The following NT5C2 variants were observed in gnomAD, a reference collection of about 807,000 sequenced individuals.
NT5C2 encodes 5'-nucleotidase, cytosolic II.
NT5C2 carries 58 observed loss-of-function variants against 76.1 expected under a neutral mutation model. That is an observed-to-expected ratio of 0.76 (90% CI 0.62 to 0.95). The LOEUF (loss-of-function observed/expected upper bound fraction) is 0.95. Ranked by LOEUF, NT5C2 falls within the 40% of genes least tolerant of loss-of-function variation. The pLI, the probability that NT5C2 is intolerant of heterozygous loss-of-function variation, is 0.00. For synonymous variants in NT5C2, 229 were observed against 237.4 expected (o/e 0.96, Z 0.32); for missense variants, 478 against 690.3 (o/e 0.69, Z 3.45).
At chr10:103,136,210 T>A (rs951622253) in intron 4 of NT5C2, among the ~76,000 whole-genome samples, 1 of 152,260 alleles carries the variant, frequency 6.6e-6, no homozygotes, top group African/African-American at 2.4e-5. Flanking sequence ...ACTGTCATTA[T>A]CCAAAATGAT....
rs532663348 is a variant in NT5C2 at position 103,182,800 on chromosome 10, T to A, written c.-168-1472A>T. Among the ~76,000 whole-genome samples, 11 of 152,292 alleles carry A rather than the reference T, an allele frequency of 7.2e-5. No homozygotes were observed. In the East Asian group the frequency reaches 2.1e-3, roughly 29 times the overall value. On this transcript the variant is annotated intron_variant, in intron 1 of 18. Coordinates refer to ENST00000404739, the MANE Select transcript of NT5C2 (RefSeq NM_001351169.2). The stretch of plus-strand genomic sequence containing the variant: ...TTTTGGTCTCTAAATACAACAACTT[T>A]CACTGCATATTACTCATGTTAAACT...
At chr10:103,092,787 CAG>C (rs568345632) in intron 15 of NT5C2, among the ~76,000 whole-genome samples, 247 of 152,236 alleles carry the variant, frequency 1.6e-3, no homozygotes, top group African/African-American at 5.8e-3. Flanking sequence ...GGGCTGTTAG[CAG>C]AGAGACTGGG....
intron 6 of NT5C2, among the ~76,000 whole-genome samples, chr10:103,101,844 T>C (rs868744048): frequency 6.6e-6 from 1 of 152,074 alleles, no homozygotes; most frequent in South Asian, 2.1e-4. Flanking sequence ...CTAGGAAGGA[T>C]TCATGCACGT....
intron 4 of NT5C2, among the ~76,000 whole-genome samples, chr10:103,134,862 G>A (rs2078888905): frequency 6.6e-6 from 1 of 152,250 alleles, no homozygotes; most frequent in South Asian, 2.1e-4. Context: ...ACCTGGATGT[G>A]AGACACAGGG....
intron 3 of NT5C2, among the ~76,000 whole-genome samples, chr10:103,171,751 G>T (rs2088068962): frequency 6.6e-6 from 1 of 152,130 alleles, no homozygotes; most frequent in African/African-American, 2.4e-5. Flanking sequence ...TATAAAAAGA[G>T]TTAAGTAAAA....
At position 103,105,698 on chromosome 10, in the gene NT5C2, G is replaced by C. The variant is rs1375179491; in HGVS notation, c.389+8C>G. The C allele has an allele frequency of 6.3e-7, 1 of 1,581,638 alleles. No homozygotes were observed. On this transcript the variant is annotated splice_region_variant and intron_variant, in intron 6 of 18. Transcript: ENST00000404739. ...ATTAGAAAGAGGCTAAAGGTTCTCT[G>C]TACTCACCCCCTTATAAAGTTAAAT...
At chr10:103,146,442 CA>C in intron 3 of NT5C2, 2 of 984,996 alleles carry the variant, frequency 2.0e-6, no homozygotes, top group African/African-American at 1.7e-5. Flanking sequence ...TATGGGCTTG[CA>C]TAATTACACA....
intron 4 of NT5C2, among the ~76,000 whole-genome samples, chr10:103,125,607 G>A (rs960453530): frequency 2.0e-5 from 3 of 152,054 alleles, no homozygotes; most frequent in African/African-American, 7.2e-5. Context: ...TCATTTACTC[G>A]GAAAAGAATT....
At chr10:103,093,772 A>C (rs949700276) in intron 14 of NT5C2, 200 bp downstream of exon 14, 1 of 517,124 alleles carries the variant, frequency 1.9e-6, no homozygotes, top group African/African-American at 1.9e-5. Flanking sequence ...ATTTTAGTGA[A>C]AATCAGATTC....
At chr10:103,144,394 A>C (rs546123561) in intron 3 of NT5C2, among the ~76,000 whole-genome samples, 1 of 152,356 alleles carries the variant, frequency 6.6e-6, no homozygotes, top group East Asian at 1.9e-4. Flanking sequence ...AGCACAGCTA[A>C]CATTACAGGA....
chr10:103,109,927 T>A (rs961688186), intron 4 of NT5C2, among the ~76,000 whole-genome samples: 2 of 152,234 alleles, frequency 1.3e-5, no homozygotes, highest in African/African-American at 4.8e-5. Context: ...CTTGCCACAT[T>A]ATATTTATTG....
chr10:103,135,810 C>T (rs891499912), intron 4 of NT5C2, among the ~76,000 whole-genome samples: 7 of 151,432 alleles, frequency 4.6e-5, no homozygotes, highest in African/African-American at 7.3e-5. Context: ...AATGGCTGGG[C>T]GTGGTGGCTC....
chr10:103,112,576 G>A (rs1475392058), intron 4 of NT5C2, among the ~76,000 whole-genome samples: 1 of 152,020 alleles, frequency 6.6e-6, no homozygotes, highest in African/African-American at 2.4e-5. Flanking sequence ...AACTTTATAG[G>A]GAGTCATTTT....
chr10:103,189,992 GCTTT>G (rs1362562482), intron 1 of NT5C2, among the ~76,000 whole-genome samples: 33 of 132,294 alleles, frequency 2.5e-4, no homozygotes, highest in Non-Finnish European at 3.5e-4. Context: ...TAATTTTGTG[GCTTT>G]CTTTTTTTTT....
chr10:103,183,262 G>GATATATATATATAT (rs201371414), intron 1 of NT5C2, among the ~76,000 whole-genome samples: 1,510 of 73,270 alleles, frequency 0.021, 72 homozygotes, highest in African/African-American at 0.035. Context: ...GTGTGTGTGT[G>GATATATATATATAT]ATATATATAT....
intron 4 of NT5C2, among the ~76,000 whole-genome samples, chr10:103,132,566 C>T (rs1384302702): frequency 2.6e-5 from 4 of 151,050 alleles, no homozygotes; most frequent in Non-Finnish European, 5.9e-5. Context: ...TTTTTTGAGA[C>T]GGAATCTCAC....
intron 2 of NT5C2, among the ~76,000 whole-genome samples, chr10:103,175,341 G>A (rs1289826169): frequency 6.6e-6 from 1 of 152,200 alleles, no homozygotes; most frequent in Non-Finnish European, 1.5e-5. Flanking sequence ...TAAAATGTGT[G>A]TAGTAGGCAA....
rs1330620853 is a variant in NT5C2 at position 103,089,181 on chromosome 10, C to T, written c.*491G>A. The T allele has an allele frequency of 4.5e-6, 1 of 224,444 alleles. No individual in the cohort carries two copies. Among genetic ancestry groups the T allele is most frequent in the African/African-American group, 2.2e-5 (1 of 44,910 alleles). The allele number at this position is 224,444 out of a possible 1,614,324, so 13.9% of individuals were successfully genotyped here. Reference sequence around the variant, plus strand: ...TAAAGGCTTATAAAAGAAAACTTGACCTTAACAGAGACTACATTTGATCAT... The same window carrying T: ...TAAAGGCTTATAAAAGAAAACTTGATCTTAACAGAGACTACATTTGATCAT... On this transcript the variant is annotated 3_prime_UTR_variant, in exon 19 of 19. Transcript: ENST00000404739.
chr10:103,146,480 GAA>G (rs1436231366), intron 3 of NT5C2: 2 of 980,118 alleles, frequency 2.0e-6, no homozygotes, highest in Non-Finnish European at 2.4e-6. Context: ...ATCAAGAAAA[GAA>G]AAAGTTACAA....
Sources: allele counts gnomAD v4.1 joint callset (sites outside exome capture counted in the v4.1 genomes callset), GRCh38; gene constraint gnomAD v4.1.1; transcripts MANE v1.5; gene names NCBI Gene and HGNC (gene_info 2026-07-23, HGNC 2026-07-21).